Variants in DBN1 observed in about 807,000 individuals in gnomAD.
DBN1 encodes drebrin.
In DBN1, 21 loss-of-function variants were observed where a neutral mutation model predicts 83.5. That is an observed-to-expected ratio of 0.25 (90% confidence interval 0.18 to 0.36). DBN1 has a LOEUF of 0.36. Ranked by LOEUF, DBN1 falls within the 10% of genes least tolerant of loss-of-function variation. The probability of loss-of-function intolerance (pLI) is 1.00; values close to 1 mark genes in which losing one functional copy is unlikely to be tolerated. For missense variants in DBN1, 874 were observed against 935.7 expected, an observed-to-expected ratio of 0.93 and a Z score of 0.86; for synonymous variants, 381 against 384.9, an observed-to-expected ratio of 0.99 and a Z score of 0.12.
Position 177,457,306 on chromosome 5 carries a change from G to C in DBN1, c.*127C>G. 3 of 789,330 alleles carry C rather than the reference G, an allele frequency of 3.8e-6. No homozygotes were observed. The highest frequency in any genetic ancestry group is 1.7e-5 in the African/African-American group (1 of 58,974). 48.9% of individuals were successfully genotyped at this position (789,330 alleles called of 1,614,324 possible). ...GGGTAGGGAAGCGGCCAAGTCCCCA[G>C]CCAGGGCCGGAATCCGGAGTGGGTG... On this transcript the variant is annotated 3_prime_UTR_variant, in exon 15 of 15. Coordinates refer to ENST00000393565, the MANE Select transcript of DBN1 (RefSeq NM_001363541.2).
At chr5:177,461,436 A>G (rs1220750367) in intron 8 of DBN1, among the ~76,000 whole-genome samples, 1 of 152,070 alleles carries the variant, frequency 6.6e-6, no homozygotes, top group Non-Finnish European at 1.5e-5. Context: ...TTCTTTCGCA[A>G]TCTGGCAGGA....
In DBN1 at chr5:177,456,682, A is replaced by AC. The variant is rs1756499614; in HGVS notation, c.*750_*751insG. ...AGAAGTTTGTGCTTTCCAAAAAAAA[A>AC]AAAAAAAAAAAAAAAAAAACAGTTA... On this transcript the variant is annotated 3_prime_UTR_variant, in exon 15 of 15. Coordinates refer to ENST00000393565, the MANE Select transcript of DBN1 (RefSeq NM_001363541.2). The AC allele has an allele frequency of 6.8e-6, 1 of 147,110 alleles. No homozygotes were observed. Among genetic ancestry groups the AC allele is most frequent in the Admixed American group, 6.7e-5 (1 of 14,820 alleles). 9.1% of individuals were successfully genotyped at this position (147,110 alleles called of 1,614,324 possible).
chr5:177,463,088 G>T lies in DBN1; in HGVS notation c.772-2385C>A, dbSNP rs1033316477. 2.0e-5 allele frequency among the ~76,000 whole-genome samples: 3 copies of T among 152,000 alleles called. No individual in the cohort carries two copies. The East Asian group carries it at 5.8e-4, about 29-fold the overall frequency. ...GACAGAGTCTTTCACTCAGGCTGGA[G>T]TGCAGTGGCGAGATCTCGGCTCACT... On this transcript the variant is annotated intron_variant, in intron 8 of 14. Transcript: ENST00000393565.
intron 1 of DBN1, chr5:177,472,145 G>GCGTC: frequency 6.2e-7 from 1 of 1,612,442 alleles, no homozygotes; most frequent in East Asian, 2.2e-5. Flanking sequence ...CTTGTCTCTC[G>GCGTC]CGTCCATCCC....
chr5:177,459,682 A>AGAG lies in DBN1; in HGVS notation c.1011_1013dup (p.Ser342dup), dbSNP rs749071466. On this transcript the variant is annotated inframe_insertion, in exon 11 of 15. Transcript: ENST00000393565. ...GAGTCCGTGGAGGGGAGGAGGAGGA[A>AGAG]GAGGAGGAGGAGGAAGGCCCACTGT... 1.3e-6 allele frequency: 2 copies of AGAG among 1,592,076 alleles called. No individual in the cohort carries two copies. The highest frequency in any genetic ancestry group is 8.5e-7 in the Non-Finnish European group (1 of 1,169,620).
chr5:177,461,449 G>A (rs910899233), intron 8 of DBN1, among the ~76,000 whole-genome samples: 13 of 152,092 alleles, frequency 8.5e-5, no homozygotes, highest in Non-Finnish European at 1.8e-4. Context: ...TGGCAGGAAG[G>A]GTTTCAGAGG....
Position 177,466,743 on chromosome 5 carries a change from G to A in DBN1, c.771+29C>T, listed in dbSNP as rs1757465339. 1 of 1,613,430 alleles carries A rather than the reference G, an allele frequency of 6.2e-7. No individual in the cohort carries two copies. The highest frequency in any genetic ancestry group is 1.3e-5 in the African/African-American group (1 of 74,912). On this transcript the variant is annotated intron_variant, in intron 8 of 14. Transcript: ENST00000393565. This position sits in a 1 kb window ranked among gnomAD's most constrained non-coding sequence, Gnocchi z 4.8. Reference sequence around the variant, plus strand: ...GGACCATTCTCACTTCCCTGACCCAGAGACCGGGAGCCTTGGCAAAGAACT... The same window carrying A: ...GGACCATTCTCACTTCCCTGACCCAAAGACCGGGAGCCTTGGCAAAGAACT...
chr5:177,468,872 G>A lies in DBN1; in HGVS notation c.114C>T (p.Ser38=), dbSNP rs541935115. 35 of 1,321,030 alleles carry A rather than the reference G, an allele frequency of 2.6e-5. No individual in the cohort carries two copies. The highest frequency in any genetic ancestry group is 1.2e-4 in the South Asian group (4 of 32,874). The allele number at this position is 1,321,030 out of a possible 1,614,324, so 81.8% of individuals were successfully genotyped here. The part of the protein sequence containing the change: ...DWALYTYEDG[S]DDLKLAASGE... ...CTGATGCTGCAAGCTTGAGGTCATC[G>A]GAGCCATCTTCATATGTGTACAGAG... is the stretch of plus-strand genomic sequence containing the variant. The change falls in exon 2 of 15, where the codon TCC becomes TCT. Residue 38 remains serine, a synonymous_variant. Coordinates refer to ENST00000393565, the MANE Select transcript of DBN1 (RefSeq NM_001363541.2).
chr5:177,467,586 T>C lies in DBN1; in HGVS notation c.372A>G (p.Ile124Met). 1 of 1,569,136 alleles carries C rather than the reference T, an allele frequency of 6.4e-7. No homozygotes were observed. The change falls in exon 5 of 15, where the codon ATA (isoleucine) becomes ATG (methionine). Residue 124 changes from isoleucine to methionine, a missense_variant. By Grantham distance (10) the Ile-to-Met change is conservative (BLOSUM62 1). This residue lies in a region of DBN1 where 65 missense variants were observed against 97.3 expected (regional missense o/e 0.67). Coordinates refer to ENST00000393565, the MANE Select transcript of DBN1 (RefSeq NM_001363541.2). This position sits in a 1 kb window ranked among gnomAD's most constrained non-coding sequence, Gnocchi z 9.1. Reference protein sequence around the residue: ...VIVNASSVEDIDAGAIGQRLS... With the variant: ...VIVNASSVEDMDAGAIGQRLS... ...GCCGCTGCCCGATGGCACCCGCGTC[T>C]ATGTCTTCCACGCTGCTGGCGTTCA... is the stretch of plus-strand genomic sequence containing the variant.
chr5:177,457,805 G>A, intron 13 of DBN1, 48 bp from the exon 14 acceptor site: 1 of 1,309,624 alleles, frequency 7.6e-7, no homozygotes, highest in South Asian at 1.2e-5. Flanking sequence ...GCAGGACTGG[G>A]GCTGACCTAT....
At position 177,473,546 on chromosome 5, in the gene DBN1, G is replaced by A. The variant is rs781107935; in HGVS notation, c.-25C>T. On this transcript the variant is annotated 5_prime_UTR_variant, in exon 1 of 15. Transcript: ENST00000393565. ...TGCTTCGGGCCGGACCGGGCCGAAC[G>A]GACAGACGCGCGGACGGACGGGCGG... 5.1e-5 allele frequency: 69 copies of A among 1,342,378 alleles called. No individual in the cohort carries two copies. Among genetic ancestry groups the A allele is most frequent in the Non-Finnish European group, 6.6e-5 (68 of 1,035,312 alleles). 83.2% of individuals were successfully genotyped at this position (1,342,378 alleles called of 1,614,324 possible).
At position 177,457,663 on chromosome 5, in the gene DBN1, T is replaced by C. The variant is rs1450521049; in HGVS notation, c.2009A>G (p.Lys670Arg). Reference sequence around the variant, plus strand: ...ATCCAGCCCAGTACTACCTGGAGGCTTGTTGTAGAACACAGGAGGCGGAGC... The same window carrying C: ...ATCCAGCCCAGTACTACCTGGAGGCCTGTTGTAGAACACAGGAGGCGGAGC... ...AKAPPPVFYNKPPEIDITCWD... is the reference protein window; with the variant it reads ...AKAPPPVFYNRPPEIDITCWD... Residue 670 changes from lysine (K) to arginine (R), a missense_variant, in exon 14 of 15, where the codon AAG becomes AGG. Transcript: ENST00000393565. 5 of 1,599,618 alleles carry C rather than the reference T, an allele frequency of 3.1e-6. No homozygotes were observed. In the East Asian group the frequency reaches 9.0e-5, roughly 29 times the overall value.
intron 8 of DBN1, among the ~76,000 whole-genome samples, chr5:177,464,409 G>A (rs1459335402): frequency 6.6e-6 from 1 of 151,396 alleles, no homozygotes; most frequent in African/African-American, 2.4e-5. Context: ...TTGTGCCATT[G>A]CACTCCAGCC....
At chr5:177,463,247 C>G (rs1358265552) in intron 8 of DBN1, among the ~76,000 whole-genome samples, 2 of 152,172 alleles carry the variant, frequency 1.3e-5, no homozygotes, top group African/African-American at 4.8e-5. Flanking sequence ...CCATGTTAGC[C>G]AGGATGGTCT....
At chr5:177,460,378 T>A (rs1216369992) in intron 10 of DBN1, 54 bp downstream of exon 10, 1 of 1,611,322 alleles carries the variant, frequency 6.2e-7, no homozygotes, top group Non-Finnish European at 8.5e-7. Flanking sequence ...CCAGAGAGGC[T>A]CAGGGCCGCA....
In DBN1 at chr5:177,458,039, C is replaced by A. The variant is rs745748619; in HGVS notation, c.1914+19G>T. The A allele has an allele frequency of 2.5e-6, 4 of 1,613,644 alleles. No homozygotes were observed. In the Admixed American group the frequency reaches 6.7e-5, roughly 27 times the overall value. On this transcript the variant is annotated intron_variant, in intron 13 of 14. Coordinates refer to ENST00000393565, the MANE Select transcript of DBN1 (RefSeq NM_001363541.2). ...CCCCACTCCCTCCCATCCCTCCCAC[C>A]AGGCAGTCCCTGCCGCACCTGGGTC...
At chr5:177,465,408 T>A (rs1190837654) in intron 8 of DBN1, among the ~76,000 whole-genome samples, 3 of 152,190 alleles carry the variant, frequency 2.0e-5, no homozygotes, top group Non-Finnish European at 4.4e-5. Context: ...AGTGGAATGG[T>A]CGTTGCCAGG....
Position 177,468,024 on chromosome 5 carries a change from GC to G in DBN1, c.255+83del, listed in dbSNP as rs1484731956. Reference sequence around the variant, plus strand: ...GTTGATGAGCAGCTCTGGGCCCTCAGCCCCCTTCCCCAGCCCCGGCCGCATA... The same window carrying G: ...GTTGATGAGCAGCTCTGGGCCCTCAGCCCCTTCCCCAGCCCCGGCCGCATA... On this transcript the variant is annotated intron_variant, in intron 3 of 14. Transcript: ENST00000393565. The G allele has an allele frequency of 7.6e-4, 526 of 696,650 alleles. 15 individuals carry two copies. Among genetic ancestry groups the G allele is most frequent in the Middle Eastern group, 1.3e-3 (3 of 2,360 alleles). The allele number at this position is 696,650 out of a possible 1,614,324, so 43.2% of individuals were successfully genotyped here. A position where few individuals can be genotyped will look rare whatever the true frequency, so the allele number is the denominator to read the frequency against.
Position 177,459,645 on chromosome 5 carries a change from T to C in DBN1, c.1051A>G (p.Ile351Val), listed in dbSNP as rs1208301400. The C allele has an allele frequency of 6.3e-7, 1 of 1,579,758 alleles. No individual in the cohort carries two copies. Among genetic ancestry groups the C allele is most frequent in the Middle Eastern group, 1.7e-4 (1 of 5,982 alleles). ...SSPPRTPFPY[I>V]TCHRTPNLSS... ...AGGTTTGGGGTGCGGTGGCAGGTGA[T>C]ATAGGGAAAGGGAGTCCGTGGAGGG... is the stretch of plus-strand genomic sequence containing the variant. The change falls in exon 11 of 15, where the codon ATC becomes GTC. Residue 351 changes from isoleucine (I) to valine (V), a missense_variant. This residue lies in a region of DBN1 where 725 missense variants were observed against 719.7 expected (regional missense o/e 1.01). Coordinates refer to ENST00000393565, the MANE Select transcript of DBN1 (RefSeq NM_001363541.2).
Sources: gnomAD v4.1 joint callset for allele counts (sites outside exome capture counted in the v4.1 genomes callset) on GRCh38, gnomAD v4.1.1 for gene constraint, gnomAD v4.1.1 regional missense constraint, Gnocchi (gnomAD v3.1) non-coding constraint, MANE v1.5 for transcripts, NCBI Gene and HGNC (gene_info 2026-07-23, HGNC 2026-07-21) for gene names.